VAV2: variants seen among roughly 807,000 people sequenced by gnomAD.
VAV2 encodes vav guanine nucleotide exchange factor 2, also known as guanine nucleotide exchange factor VAV2.
In VAV2, 67 loss-of-function variants were observed where a neutral mutation model predicts 132.5. The observed-to-expected ratio is 0.51, with a 90% CI of 0.42 to 0.62. The LOEUF (loss-of-function observed/expected upper bound fraction) is 0.62, where lower values mean the gene tolerates loss of function less well. Ranked by LOEUF, VAV2 falls within the 20% of genes least tolerant of loss-of-function variation. The pLI, the probability that VAV2 is intolerant of heterozygous loss-of-function variation, is 0.00. For synonymous variants in VAV2, 492 were observed against 443.5 expected (o/e 1.11, Z -1.37); for missense variants, 938 against 1,153.6 (o/e 0.81, Z 2.71).
chr9:133,842,465 G>A (rs757775340), intron 3 of VAV2, among the ~76,000 whole-genome samples: 2 of 152,210 alleles, frequency 1.3e-5, no homozygotes, highest in South Asian at 2.1e-4. Context: ...GGCCAGGTGC[G>A]GCCAGCCCTG....
Position 133,928,052 on chromosome 9 carries a change from T to C in VAV2, c.321+11051A>G, listed in dbSNP as rs1840540588. Among the ~76,000 whole-genome samples the C allele has an allele frequency of 6.6e-6, 1 of 152,054 alleles. No homozygotes were observed. The highest frequency in any genetic ancestry group is 2.4e-5 in the African/African-American group (1 of 41,388). On this transcript the variant is annotated intron_variant, in intron 2 of 29. Transcript: ENST00000371850. This position sits in a 1 kb window ranked among gnomAD's most constrained non-coding sequence, Gnocchi z 5.4. ...ACCAAAATTGAACCACCCTCCACCC[T>C]TGTCCAGTGTGAAGTTAATGACGGG...
intron 2 of VAV2, among the ~76,000 whole-genome samples, chr9:133,869,310 A>AGTC (rs1252359735): frequency 6.6e-6 from 1 of 152,084 alleles, no homozygotes; most frequent in African/African-American, 2.4e-5. Flanking sequence ...CAACGACAAC[A>AGTC]ACAAAGTCTT....
chr9:133,810,384 C>G (rs1046109303), intron 5 of VAV2, among the ~76,000 whole-genome samples, 179 bp from the exon 6 acceptor site: 24 of 152,220 alleles, frequency 1.6e-4, no homozygotes, highest in Non-Finnish European at 2.2e-4. Context: ...GCCAGAGCTC[C>G]CATAGCAGCC....
At chr9:133,786,622 CA>C (rs1208530143) in intron 16 of VAV2, among the ~76,000 whole-genome samples, 2 of 152,220 alleles carry the variant, frequency 1.3e-5, no homozygotes, top group Non-Finnish European at 2.9e-5. Context: ...ACAGTAACAA[CA>C]AAAAGGCAGG....
Position 133,769,330 on chromosome 9 carries a change from T to TGTGGGGCCA in VAV2, c.2434+78_2434+86dup, listed in dbSNP as rs1472812499. The stretch of plus-strand genomic sequence containing the variant: ...CAACTGTGGCCACGTCAGGCAGGGC[T>TGTGGGGCCA]GTGGGGCCAGTGGGCAGCTCCGTGC... On this transcript the variant is annotated intron_variant, in intron 28 of 29. Coordinates refer to ENST00000371850, the MANE Select transcript of VAV2 (RefSeq NM_001134398.2). The surrounding 1 kb of genome is among the most constrained non-coding windows in gnomAD (Gnocchi z 8.1). The TGTGGGGCCA allele has an allele frequency of 2.0e-4, 272 of 1,388,092 alleles. 3 individuals are homozygous for TGTGGGGCCA. The highest frequency in any genetic ancestry group is 1.8e-3 in the South Asian group (136 of 74,190). The allele number at this position is 1,388,092 out of a possible 1,614,324, so 86.0% of individuals were successfully genotyped here. A position where few individuals can be genotyped will look rare whatever the true frequency, so the allele number is the denominator to read the frequency against.
Position 133,836,605 on chromosome 9 carries a change from T to A in VAV2, c.381-2265A>T, listed in dbSNP as rs1836482469. Among the ~76,000 whole-genome samples the A allele has an allele frequency of 3.9e-5, 6 of 152,184 alleles. No individual in the cohort carries two copies. The South Asian group carries it at 1.2e-3, about 31-fold the overall frequency. On this transcript the variant is annotated intron_variant, in intron 3 of 29. Coordinates refer to ENST00000371850, the MANE Select transcript of VAV2 (RefSeq NM_001134398.2). ...CAAAGTATTAATGTGCTTTCTCACG[T>A]AGAATGTAGAGAGGGAAGAGAAAAT... is the stretch of plus-strand genomic sequence containing the variant.
chr9:133,786,012 G>A (rs1349323408), intron 16 of VAV2, 127 bp from the exon 17 acceptor site: 1 of 828,134 alleles, frequency 1.2e-6, no homozygotes, highest in Non-Finnish European at 2.0e-6. Context: ...AGGTGCCTGT[G>A]CCTGTGTGAA....
chr9:133,821,591 C>A (rs533292522), intron 4 of VAV2, among the ~76,000 whole-genome samples: 1 of 152,262 alleles, frequency 6.6e-6, no homozygotes, highest in South Asian at 2.1e-4. Context: ...AATGAGACGG[C>A]ATTTAGCACA....
intron 1 of VAV2, among the ~76,000 whole-genome samples, chr9:133,962,952 T>C (rs1842012982): frequency 6.6e-6 from 1 of 152,226 alleles, no homozygotes; most frequent in Admixed American, 6.5e-5. Flanking sequence ...GAGCAAATTT[T>C]GCAAATCTCA....
At chr9:133,908,557 G>A (rs1352184665) in intron 2 of VAV2, among the ~76,000 whole-genome samples, 1 of 151,172 alleles carries the variant, frequency 6.6e-6, no homozygotes, top group Middle Eastern at 3.4e-3. Context: ...CCCATCCTAG[G>A]CCCCCACAGC....
intron 19 of VAV2, among the ~76,000 whole-genome samples, chr9:133,782,372 C>T (rs975008062): frequency 9.2e-5 from 14 of 151,984 alleles, no homozygotes; most frequent in African/African-American, 3.1e-4. Context: ...TGAAAAGCTG[C>T]GTTCAGGCCA....
At chr9:133,856,883 T>A (rs556096591) in intron 3 of VAV2, among the ~76,000 whole-genome samples, 1 of 152,164 alleles carries the variant, frequency 6.6e-6, no homozygotes, top group African/African-American at 2.4e-5. Context: ...CGAAAACCCT[T>A]TTCCTCGTCA....
At position 133,857,669 on chromosome 9, in the gene VAV2, C is replaced by G. The variant is rs140331753; in HGVS notation, c.380+3705G>C. ...GTGGCTGCCCCCAGAAGGTTCAATT[C>G]CCCATGGAAATCCCAGCCCATCCGG... On this transcript the variant is annotated intron_variant, in intron 3 of 29. Coordinates refer to ENST00000371850, the MANE Select transcript of VAV2 (RefSeq NM_001134398.2). The surrounding 1 kb of genome is among the most constrained non-coding windows in gnomAD (Gnocchi z 4.0). 1.3e-5 allele frequency among the ~76,000 whole-genome samples: 2 copies of G among 152,296 alleles called. No homozygotes were observed. The highest frequency in any genetic ancestry group is 3.9e-4 in the East Asian group (2 of 5,174).
chr9:133,834,983 C>T lies in VAV2; in HGVS notation c.381-643G>A, dbSNP rs947403279. ...TGGGGTCTCCCCAGAAGGAACGCGGCGGTGCTCCCCCACACTCCGCCCTCC... is the reference window on the plus strand; with the variant it reads ...TGGGGTCTCCCCAGAAGGAACGCGGTGGTGCTCCCCCACACTCCGCCCTCC... On this transcript the variant is annotated intron_variant, in intron 3 of 29. Coordinates refer to ENST00000371850, the MANE Select transcript of VAV2 (RefSeq NM_001134398.2). The surrounding 1 kb of genome is among the most constrained non-coding windows in gnomAD (Gnocchi z 5.9). Among the ~76,000 whole-genome samples the T allele has an allele frequency of 2.0e-5, 3 of 152,156 alleles. No individual in the cohort carries two copies. The highest frequency in any genetic ancestry group is 4.8e-5 in the African/African-American group (2 of 41,432).
In VAV2 at chr9:133,783,515, G is replaced by A; in HGVS notation, c.1711C>T (p.Pro571Ser). ...AHKECLEVIP[P>S]CKFTSPADLD... ...GGGGGGTACTCACTGAACTTGCAGG[G>A]AGGTATCACTTCCAGGCACTCCTTG... The change falls in exon 19 of 30, where the codon CCC (proline) becomes TCC (serine). Residue 571 changes from proline (P) to serine (S), a missense_variant. Coordinates refer to ENST00000371850, the MANE Select transcript of VAV2 (RefSeq NM_001134398.2). The A allele has an allele frequency of 6.2e-7, 1 of 1,613,864 alleles. No individual in the cohort carries two copies. Among genetic ancestry groups the A allele is most frequent in the South Asian group, 1.1e-5 (1 of 91,078 alleles).
intron 2 of VAV2, among the ~76,000 whole-genome samples, chr9:133,913,681 G>A (rs2132050979): frequency 6.6e-6 from 1 of 152,366 alleles, no homozygotes; most frequent in South Asian, 2.1e-4. Flanking sequence ...AGGGGGCAAA[G>A]TCAGGGCAAA....
At chr9:133,855,706 C>A (rs1837359754) in intron 3 of VAV2, among the ~76,000 whole-genome samples, 1 of 152,238 alleles carries the variant, frequency 6.6e-6, no homozygotes, top group Admixed American at 6.5e-5. Context: ...TGCGAGGTCA[C>A]TGCTTCCAGT....
chr9:133,862,501 G>A (rs992990094), intron 2 of VAV2, among the ~76,000 whole-genome samples: 8 of 152,232 alleles, frequency 5.3e-5, no homozygotes, highest in African/African-American at 1.4e-4. Context: ...GACAGCTCGC[G>A]TGTGTGGTCG....
intron 1 of VAV2, among the ~76,000 whole-genome samples, chr9:133,978,976 G>A (rs918184059): frequency 7.2e-5 from 11 of 152,252 alleles, no homozygotes; most frequent in African/African-American, 1.7e-4. Context: ...TCAGGGCAGG[G>A]GAGTTCGCTG....
Sources: allele counts gnomAD v4.1 joint callset (sites outside exome capture counted in the v4.1 genomes callset), GRCh38; gene constraint gnomAD v4.1.1; non-coding constraint Gnocchi (gnomAD v3.1); transcripts MANE v1.5; gene names NCBI Gene and HGNC (gene_info 2026-07-23, HGNC 2026-07-21).